The following C9orf85 variants were observed in gnomAD, a reference collection of about 807,000 sequenced individuals.
The protein encoded by C9orf85 is uncharacterized protein C9orf85.
C9orf85 carries 16 observed loss-of-function variants against 14.9 expected under a neutral mutation model. That is an observed-to-expected ratio of 1.08 (90% confidence interval 0.73 to 1.63). The LOEUF is 1.63. Ranked by LOEUF, C9orf85 falls within the 40% of genes most tolerant of loss-of-function variation. The probability of loss-of-function intolerance (pLI) is 0.00; values close to 1 mark genes in which losing one functional copy is unlikely to be tolerated. For missense variants in C9orf85, 172 were observed against 186.1 expected, an observed-to-expected ratio of 0.92 and a Z score of 0.44; for synonymous variants, 45 against 56.8, an observed-to-expected ratio of 0.79 and a Z score of 0.93.
intron 3 of C9orf85, among the ~76,000 whole-genome samples, chr9:71,980,611 G>A (rs1431731820): frequency 6.6e-6 from 1 of 152,086 alleles, no homozygotes; most frequent in Admixed American, 6.6e-5. Context: ...TTCTGGCTAA[G>A]TACTCTAAAT....
At position 71,972,783 on chromosome 9, in the gene C9orf85, G is replaced by C. The variant is rs776857450; in HGVS notation, c.415G>C (p.Asp139His). 1.2e-6 allele frequency: 2 copies of C among 1,610,162 alleles called. No homozygotes were observed. Among genetic ancestry groups the C allele is most frequent in the Non-Finnish European group, 1.7e-6 (2 of 1,177,560 alleles). ...RSCRRNEESD[D>H]DLDFDIDLED... ...CTGCAGAAGAAATGAAGAAAGTGAT[G>C]ATGATTTAGATTTTGATATTGATTT... The change falls in exon 4 of 4, where the codon GAT becomes CAT. Residue 139 changes from aspartate to histidine, a missense_variant. Physicochemically the swap from Asp to His is moderately conservative, Grantham distance 81. Transcript: ENST00000334731.
At chr9:71,926,587 T>C (rs1827933737) in intron 1 of C9orf85, among the ~76,000 whole-genome samples, 1 of 146,242 alleles carries the variant, frequency 6.8e-6, no homozygotes, top group Non-Finnish European at 1.5e-5. Flanking sequence ...ATATCCTTAA[T>C]GATTCAAATA....
At chr9:71,975,196 C>A (rs1589276691), downstream of C9orf85, among the ~76,000 whole-genome samples, 1 of 152,172 alleles carries the variant, frequency 6.6e-6, no homozygotes, top group Non-Finnish European at 1.5e-5. Flanking sequence ...TGCCTGTAAT[C>A]CCAGCACTTT....
At chr9:71,977,994 T>A (rs1823035958), downstream of C9orf85, among the ~76,000 whole-genome samples, 1 of 152,246 alleles carries the variant, frequency 6.6e-6, no homozygotes, top group African/African-American at 2.4e-5. Context: ...AGTGGTACAG[T>A]ATTTCATCAA....
intron 2 of C9orf85, among the ~76,000 whole-genome samples, chr9:71,962,065 C>T (rs1016858360): frequency 5.9e-5 from 9 of 152,036 alleles, no homozygotes; most frequent in African/African-American, 2.2e-4. Flanking sequence ...ATTCTGGAGG[C>T]TGAGGTGCAA....
At chr9:71,931,308 TG>T (rs1339556558) in intron 1 of C9orf85, among the ~76,000 whole-genome samples, 4 of 152,226 alleles carry the variant, frequency 2.6e-5, no homozygotes, top group African/African-American at 4.8e-5. Flanking sequence ...GAGATTATTC[TG>T]GAGACTGTTT....
chr9:71,966,335 A>T (rs1029432276), intron 2 of C9orf85, among the ~76,000 whole-genome samples: 2 of 151,554 alleles, frequency 1.3e-5, no homozygotes, highest in African/African-American at 4.9e-5. Flanking sequence ...TAACATGTGT[A>T]TTCCATAAAG....
intron 1 of C9orf85, among the ~76,000 whole-genome samples, chr9:71,921,505 G>T (rs556864585): frequency 6.6e-6 from 1 of 152,318 alleles, no homozygotes; most frequent in South Asian, 2.1e-4. Flanking sequence ...CCTACAAGAT[G>T]TCCTGCCTTT....
chr9:71,966,770 A>C (rs949240593), intron 2 of C9orf85, among the ~76,000 whole-genome samples: 2 of 152,324 alleles, frequency 1.3e-5, no homozygotes, highest in East Asian at 3.9e-4. Context: ...GGGCAAAGGC[A>C]GTCTTGTTAT....
chr9:71,969,486 A>G (rs1230046445), intron 2 of C9orf85, among the ~76,000 whole-genome samples: 1 of 152,108 alleles, frequency 6.6e-6, no homozygotes, highest in Non-Finnish European at 1.5e-5. Context: ...GTGCTGTACC[A>G]TCTTTTATTC....
chr9:71,947,648 T>C (rs1822135451), intron 2 of C9orf85, among the ~76,000 whole-genome samples: 2 of 152,046 alleles, frequency 1.3e-5, no homozygotes, highest in African/African-American at 4.8e-5. Flanking sequence ...TTTTTTTTCT[T>C]TCTTTCTTTT....
At chr9:71,937,133 T>TA (rs1338788115) in intron 1 of C9orf85, among the ~76,000 whole-genome samples, 6 of 152,174 alleles carry the variant, frequency 3.9e-5, no homozygotes, top group African/African-American at 1.4e-4. Context: ...ATTTATTTGT[T>TA]AAAATACAAT....
chr9:71,918,767 A>C (rs1341593836), intron 1 of C9orf85, among the ~76,000 whole-genome samples: 1 of 152,158 alleles, frequency 6.6e-6, no homozygotes. Flanking sequence ...TCACCCCCAG[A>C]TGGGACCGTC....
chr9:71,917,234 A>G (rs1827672225), intron 1 of C9orf85, among the ~76,000 whole-genome samples: 4 of 152,242 alleles, frequency 2.6e-5, no homozygotes. Context: ...TATTGCCACC[A>G]ATACTAAACA....
chr9:71,918,620 T>G, intron 1 of C9orf85: 1 of 353,544 alleles, frequency 2.8e-6, no homozygotes, highest in Admixed American at 4.1e-5. Flanking sequence ...CCACCTGAGT[T>G]CTGCCTCCTG....
intron 1 of C9orf85, among the ~76,000 whole-genome samples, chr9:71,938,889 C>T (rs1828260628): frequency 6.6e-6 from 1 of 151,442 alleles, no homozygotes; most frequent in African/African-American, 2.4e-5. Context: ...TGGTATTACT[C>T]TGAGAGACTA....
At position 71,947,013 on chromosome 9, in the gene C9orf85, A is replaced by G; in HGVS notation, c.110A>G (p.Asn37Ser). 1 of 1,610,454 alleles carries G rather than the reference A, an allele frequency of 6.2e-7. No homozygotes were observed. The highest frequency in any genetic ancestry group is 8.5e-7 in the Non-Finnish European group (1 of 1,177,894). Reference sequence around the variant, plus strand: ...TTTCTGTTTGTTTTTAAGAAAATTAATGCAAAACTTCATGATGGAGTATGT... The same window carrying G: ...TTTCTGTTTGTTTTTAAGAAAATTAGTGCAAAACTTCATGATGGAGTATGT... ...FDKSVQTKKI[N>S]AKLHDGVCQR... is the part of the protein sequence containing the mutation. Residue 37 changes from asparagine to serine, a missense_variant, in exon 2 of 4, where the codon AAT (asparagine) becomes AGT (serine). Coordinates refer to ENST00000334731, the MANE Select transcript of C9orf85 (RefSeq NM_182505.5).
intron 1 of C9orf85, among the ~76,000 whole-genome samples, chr9:71,935,826 A>T (rs1392587434): frequency 2.6e-5 from 4 of 152,064 alleles, no homozygotes; most frequent in Non-Finnish European, 5.9e-5. Flanking sequence ...TACAATATGA[A>T]TGTATTTAAT....
At chr9:71,919,099 T>C (rs930554132) in intron 1 of C9orf85, among the ~76,000 whole-genome samples, 4 of 152,208 alleles carry the variant, frequency 2.6e-5, no homozygotes, top group Non-Finnish European at 5.9e-5. Flanking sequence ...GTTGTAATCC[T>C]AATTTCGTGG....
Sources: gnomAD v4.1 joint callset for allele counts (sites outside exome capture counted in the v4.1 genomes callset) on GRCh38, gnomAD v4.1.1 for gene constraint, MANE v1.5 for transcripts, NCBI Gene and HGNC (gene_info 2026-07-23, HGNC 2026-07-21) for gene names.